FBLN7: variants seen among roughly 807,000 people sequenced by gnomAD.
FBLN7 encodes fibulin-7.
A neutral mutation model predicts 44.0 loss-of-function variants in FBLN7; 31 were observed. That is an observed-to-expected ratio of 0.70 (90% CI 0.53 to 0.95). The LOEUF (loss-of-function observed/expected upper bound fraction) is 0.95, where lower values mean the gene tolerates loss of function less well. FBLN7 is among the 40% of genes least tolerant of loss of function. The pLI, the probability that FBLN7 is intolerant of heterozygous loss-of-function variation, is 0.00. For missense variants in FBLN7, 573 were observed against 618.5 expected, an observed-to-expected ratio of 0.93 and a Z score of 0.78; for synonymous variants, 262 against 253.4, an observed-to-expected ratio of 1.03 and a Z score of -0.32.
At chr2:112,243,788 C>T in the FBLN7 span, among the ~76,000 whole-genome samples, 9 of 152,010 alleles carry the variant, frequency 5.9e-5, no homozygotes, top group African/African-American at 2.2e-4. Context: ...TTACTGATCC[C>T]TGATCTCCAG....
chr2:112,214,830 A>T, the FBLN7 span: 1 of 152,186 alleles, frequency 6.6e-6, no homozygotes, highest in Non-Finnish European at 1.5e-5. Flanking sequence ...CACAGGACAC[A>T]TTCATGAGAA....
At chr2:112,143,288 AAT>A (rs2104534849) in intron 1 of FBLN7, among the ~76,000 whole-genome samples, 1 of 152,120 alleles carries the variant, frequency 6.6e-6, no homozygotes, top group East Asian at 1.9e-4. Context: ...GATCAGAACA[AAT>A]ATCTAACCAT....
chr2:112,188,337 G>A (rs1315264995), downstream of FBLN7: 3 of 152,256 alleles, frequency 2.0e-5, no homozygotes, highest in Non-Finnish European at 4.4e-5. Context: ...CAGAGGTGAT[G>A]TTTGGGACTG....
intron 2 of FBLN7, among the ~76,000 whole-genome samples, chr2:112,163,324 C>CAGTG (rs1681976945): frequency 6.6e-6 from 1 of 152,212 alleles, no homozygotes; most frequent in Non-Finnish European, 1.5e-5. Flanking sequence ...GGGGGATGCT[C>CAGTG]AGTGACTCTG....
chr2:112,242,552 C>T, the FBLN7 span, among the ~76,000 whole-genome samples: 1 of 152,144 alleles, frequency 6.6e-6, no homozygotes, highest in South Asian at 2.1e-4. Flanking sequence ...ATACTTACCA[C>T]ATCAAAACAC....
chr2:112,159,943 AC>A, intron 2 of FBLN7, 108 bp downstream of exon 2: 1 of 863,684 alleles, frequency 1.2e-6, no homozygotes, highest in Non-Finnish European at 1.5e-6. Flanking sequence ...TTCCCCCATC[AC>A]CTTCCATCTT....
the FBLN7 span, among the ~76,000 whole-genome samples, chr2:112,220,711 C>T: frequency 5.3e-5 from 8 of 152,200 alleles, no homozygotes; most frequent in Admixed American, 3.3e-4. Flanking sequence ...ATCCCAGCTA[C>T]TCAGAATGCT....
At chr2:112,158,151 C>T (rs565673466) in intron 1 of FBLN7, among the ~76,000 whole-genome samples, 22 of 148,092 alleles carry the variant, frequency 1.5e-4, no homozygotes, top group African/African-American at 5.0e-4. Flanking sequence ...CCCGCCTCGG[C>T]CTCCCAAAGT....
intron 1 of FBLN7, among the ~76,000 whole-genome samples, chr2:112,156,196 G>A (rs1243737457): frequency 6.6e-6 from 1 of 152,178 alleles, no homozygotes; most frequent in Non-Finnish European, 1.5e-5. Context: ...TCAATCCCTA[G>A]TGCAAATTCA....
At chr2:112,244,034 A>G in the FBLN7 span, among the ~76,000 whole-genome samples, 1 of 132,192 alleles carries the variant, frequency 7.6e-6, no homozygotes, top group Non-Finnish European at 1.7e-5. Flanking sequence ...AAGATAAAAA[A>G]TAAGAGATAT....
intron 1 of FBLN7, among the ~76,000 whole-genome samples, chr2:112,150,586 T>G (rs909427988): frequency 6.6e-6 from 1 of 152,112 alleles, no homozygotes; most frequent in Admixed American, 6.5e-5. Flanking sequence ...GGAAAAATGC[T>G]GTTCTGGGAG....
intron 5 of FBLN7, chr2:112,182,080 G>A (rs1683031670): frequency 1.5e-6 from 1 of 657,570 alleles, no homozygotes; most frequent in South Asian, 2.2e-5. Flanking sequence ...AGCTCGCCCC[G>A]CCTCAGAACC....
chr2:112,236,604 T>G, the FBLN7 span: 1 of 1,614,044 alleles, frequency 6.2e-7, no homozygotes, highest in South Asian at 1.1e-5. Flanking sequence ...CATTTGATCC[T>G]TTGTTTCCAG....
the FBLN7 span, among the ~76,000 whole-genome samples, chr2:112,235,080 A>G: frequency 6.6e-6 from 1 of 152,200 alleles, no homozygotes; most frequent in Non-Finnish European, 1.5e-5. Flanking sequence ...CTTATAATAC[A>G]TTTAAGCTCT....
chr2:112,158,409 AT>A (rs953292843), intron 1 of FBLN7, among the ~76,000 whole-genome samples: 5 of 151,630 alleles, frequency 3.3e-5, no homozygotes, highest in East Asian at 1.9e-4. Context: ...GGCTCGGCTA[AT>A]TTTTTTGTTT....
chr2:112,181,781 G>T lies in FBLN7; in HGVS notation c.575G>T (p.Arg192Leu). Residue 192 changes from arginine to leucine, a missense_variant, in exon 5 of 8, where the codon CGC (arginine) becomes CTC (leucine). Transcript: ENST00000331203. ...GSVAGDSAFS[R>L]APRCAQVERA... is the part of the protein sequence containing the mutation. ...GTGGCCGGCGACTCCGCCTTCAGCCGCGCGCCGCGCTGTGCGCAGGTGGAG... is the reference window on the plus strand; with the variant it reads ...GTGGCCGGCGACTCCGCCTTCAGCCTCGCGCCGCGCTGTGCGCAGGTGGAG... 6.9e-7 allele frequency: 1 copy of T among 1,442,492 alleles called. No homozygotes were observed. Among genetic ancestry groups the T allele is most frequent in the Non-Finnish European group, 9.1e-7 (1 of 1,103,422 alleles). 89.4% of individuals were successfully genotyped at this position (1,442,492 alleles called of 1,614,324 possible).
intron 3 of FBLN7, among the ~76,000 whole-genome samples, chr2:112,170,986 G>T (rs1317420272): frequency 6.6e-6 from 1 of 152,228 alleles, no homozygotes; most frequent in East Asian, 1.9e-4. Context: ...ATGATGGTGT[G>T]CCGGGTGTCA....
intron 2 of FBLN7, among the ~76,000 whole-genome samples, chr2:112,160,108 A>G (rs1348466755): frequency 1.3e-5 from 2 of 152,050 alleles, no homozygotes; most frequent in Non-Finnish European, 2.9e-5. Flanking sequence ...CTCCTGCCTC[A>G]GCCTCCCGCG....
intron 6 of FBLN7, 43 bp downstream of exon 6, chr2:112,182,971 T>G (rs773393060): frequency 6.2e-7 from 1 of 1,603,930 alleles, no homozygotes; most frequent in Non-Finnish European, 8.5e-7. Context: ...AGCCACCTGC[T>G]GCTGTGCTGA....
Sources: gnomAD v4.1 joint callset for allele counts (sites outside exome capture counted in the v4.1 genomes callset) on GRCh38, gnomAD v4.1.1 for gene constraint, MANE v1.5 for transcripts, NCBI Gene and HGNC (gene_info 2026-07-23, HGNC 2026-07-21) for gene names.